The following ACACA variants were observed in gnomAD, a reference collection of about 807,000 sequenced individuals.
The protein encoded by ACACA is acetyl-CoA carboxylase 1.
In ACACA, 103 loss-of-function variants were observed where a neutral mutation model predicts 296.1. The ratio of observed to expected loss-of-function variants is 0.35; its 90% CI spans 0.30 to 0.41. The LOEUF (loss-of-function observed/expected upper bound fraction) is 0.41, where lower values mean the gene tolerates loss of function less well. Among genes scored for constraint, ACACA ranks in the 10% least tolerant of loss-of-function variants. The probability of loss-of-function intolerance (pLI) is 1.00; values close to 1 mark genes in which losing one functional copy is unlikely to be tolerated. For synonymous variants in ACACA, 953 were observed against 1,038.6 expected (o/e 0.92, Z 1.58); for missense variants, 1,554 against 2,989.7 (o/e 0.52, Z 11.20).
Position 37,113,150 on chromosome 17 carries a change from C to T in ACACA, c.6390G>A (p.Trp2130Ter). 6.2e-7 allele frequency: 1 copy of T among 1,614,136 alleles called. No homozygotes were observed. The highest frequency in any genetic ancestry group is 8.5e-7 in the Non-Finnish European group (1 of 1,180,022). ...PPQAELRGGS[W>*]VVIDSSINPR... The stretch of plus-strand genomic sequence containing the variant: ...GGTTGATGGAGGAGTCAATCACCAC[C>T]CAGGAGCCACCCCGCAGCTCAGCCT... Residue 2130 changes from tryptophan to a stop codon, truncating the protein, a stop_gained, in exon 51 of 56, where the codon TGG (tryptophan) becomes TGA (stop). Coordinates refer to ENST00000616317, the MANE Select transcript of ACACA (RefSeq NM_198834.3). LOFTEE classifies it high-confidence loss of function. The surrounding 1 kb of genome is among the most constrained non-coding windows in gnomAD (Gnocchi z 4.0).
At chr17:37,392,455 T>C (rs2050922554) in intron 1 of ACACA, 1 of 152,194 alleles carries the variant, frequency 6.6e-6, no homozygotes, top group Admixed American at 6.5e-5. Context: ...AGAATAGCTA[T>C]GAGTCAAATC....
intron 2 of ACACA, among the ~76,000 whole-genome samples, chr17:37,334,732 C>A (rs146533741): frequency 1.3e-5 from 2 of 151,818 alleles, no homozygotes; most frequent in African/African-American, 2.4e-5. Context: ...CACTGCACCC[C>A]GTCCATGCCA....
At chr17:37,405,703 C>G (rs992512977) in intron 1 of ACACA, among the ~76,000 whole-genome samples, 6 of 152,004 alleles carry the variant, frequency 3.9e-5, no homozygotes, top group Non-Finnish European at 8.8e-5. Context: ...CAGGTGCCTG[C>G]CACCACACCC....
chr17:37,405,737 AG>A (rs939535610), intron 1 of ACACA, among the ~76,000 whole-genome samples: 7 of 152,008 alleles, frequency 4.6e-5, no homozygotes, highest in African/African-American at 1.4e-4. Flanking sequence ...TATTTTTAGT[AG>A]AGACGGGATT....
intron 3 of ACACA, among the ~76,000 whole-genome samples, chr17:37,300,644 G>C (rs1318951493): frequency 6.6e-6 from 1 of 152,040 alleles, no homozygotes; most frequent in Non-Finnish European, 1.5e-5. Context: ...TCAGATAAAA[G>C]ATAAATGATT....
At chr17:37,140,437 C>T (rs557405104) in intron 45 of ACACA, among the ~76,000 whole-genome samples, 1 of 152,084 alleles carries the variant, frequency 6.6e-6, no homozygotes, top group East Asian at 1.9e-4. Context: ...CTATTCACTC[C>T]CCAGCCTAAA....
At chr17:37,205,509 T>C (rs1285737398) in intron 33 of ACACA, among the ~76,000 whole-genome samples, 1 of 152,166 alleles carries the variant, frequency 6.6e-6, no homozygotes, top group Admixed American at 6.5e-5. Flanking sequence ...ACTGGAGCTC[T>C]GGGAGAGATT....
At chr17:37,116,366 T>G (rs2074254600) in intron 50 of ACACA, among the ~76,000 whole-genome samples, 1 of 152,000 alleles carries the variant, frequency 6.6e-6, no homozygotes, top group South Asian at 2.1e-4. Context: ...ATATGATGAG[T>G]AAAATAAAAC....
intron 33 of ACACA, among the ~76,000 whole-genome samples, chr17:37,203,794 T>C (rs913767573): frequency 5.9e-5 from 9 of 152,086 alleles, no homozygotes; most frequent in African/African-American, 9.7e-5. Flanking sequence ...CCAGCAAAGA[T>C]TACCTTGATC....
At chr17:37,262,070 C>G (rs1023073867) in intron 11 of ACACA, among the ~76,000 whole-genome samples, 1 of 152,046 alleles carries the variant, frequency 6.6e-6, no homozygotes, top group Non-Finnish European at 1.5e-5. Flanking sequence ...CTTCCTTGGA[C>G]AAAGGCTATG....
intron 3 of ACACA, among the ~76,000 whole-genome samples, chr17:37,324,732 G>T (rs979008912): frequency 1.3e-4 from 20 of 150,322 alleles, no homozygotes; most frequent in African/African-American, 4.9e-4. Flanking sequence ...CTACTCGAGA[G>T]GCTGAGGCAG....
intron 1 of ACACA, among the ~76,000 whole-genome samples, chr17:37,352,586 G>C (rs928239908): frequency 5.9e-5 from 9 of 152,196 alleles, no homozygotes; most frequent in African/African-American, 2.2e-4. Flanking sequence ...AGGTATGGTG[G>C]TGTGTGTCTG....
chr17:37,186,807 C>A (rs2077552704), intron 39 of ACACA, among the ~76,000 whole-genome samples: 1 of 151,884 alleles, frequency 6.6e-6, no homozygotes, highest in African/African-American at 2.4e-5. Flanking sequence ...TAATACTAAA[C>A]CCTGATTGAA....
intron 25 of ACACA, among the ~76,000 whole-genome samples, chr17:37,228,446 G>T (rs1424753041): frequency 1.3e-5 from 2 of 152,100 alleles, no homozygotes; most frequent in East Asian, 3.9e-4. Flanking sequence ...TGAACAGGTA[G>T]CACAGATTAG....
chr17:37,151,529 AT>A, intron 43 of ACACA, 108 bp from the exon 44 acceptor site: 1 of 1,345,966 alleles, frequency 7.4e-7, no homozygotes, highest in Non-Finnish European at 1.0e-6. Context: ...GAAAGCTTAT[AT>A]TTAATGCCAG....
At chr17:37,121,695 A>C (rs2143014550) in intron 49 of ACACA, among the ~76,000 whole-genome samples, 1 of 152,354 alleles carries the variant, frequency 6.6e-6, no homozygotes, top group Non-Finnish European at 1.5e-5. Context: ...ATTCTTTTTA[A>C]GTCCTGATTA....
At chr17:37,372,057 T>G (rs753937684) in intron 1 of ACACA, among the ~76,000 whole-genome samples, 2 of 152,048 alleles carry the variant, frequency 1.3e-5, no homozygotes, top group Non-Finnish European at 2.9e-5. Context: ...CCTCCATTAT[T>G]AAATTTTTTA....
intron 39 of ACACA, among the ~76,000 whole-genome samples, chr17:37,187,334 T>A (rs973766814): frequency 6.6e-6 from 1 of 152,184 alleles, no homozygotes; most frequent in African/African-American, 2.4e-5. Context: ...TAAAAGGATA[T>A]AGATAAAAAC....
chr17:37,161,560 C>A (rs895018317), intron 42 of ACACA: 121 of 606,202 alleles, frequency 2.0e-4, no homozygotes, highest in Non-Finnish European at 4.0e-5. Context: ...AAAGAAACAG[C>A]AACCTGTTTT....
Sources: gnomAD v4.1 joint callset for allele counts (sites outside exome capture counted in the v4.1 genomes callset) on GRCh38, gnomAD v4.1.1 for gene constraint, Gnocchi (gnomAD v3.1) non-coding constraint, MANE v1.5 for transcripts, NCBI Gene and HGNC (gene_info 2026-07-23, HGNC 2026-07-21) for gene names.